Variants in LIPC observed in about 807,000 individuals in gnomAD.
LIPC encodes the protein hepatic triacylglycerol lipase.
A neutral mutation model predicts 50.7 loss-of-function variants in LIPC; 44 were observed. The observed-to-expected ratio is 0.87, with a 90% CI of 0.68 to 1.11. The LOEUF (loss-of-function observed/expected upper bound fraction) is 1.11. Ranked by LOEUF, LIPC falls within the 50% of genes most tolerant of loss-of-function variation. The pLI is 0.00. For missense variants in LIPC, 697 were observed against 648.2 expected, an observed-to-expected ratio of 1.08 and a Z score of -0.82; for synonymous variants, 271 against 256.4, an observed-to-expected ratio of 1.06 and a Z score of -0.54.
intron 1 of LIPC, among the ~76,000 whole-genome samples, chr15:58,534,206 A>G (rs1893045098): frequency 6.6e-6 from 1 of 152,206 alleles, no homozygotes; most frequent in Non-Finnish European, 1.5e-5. Context: ...CCCAAAGAGT[A>G]CCCAGGCAAA....
intron 1 of LIPC, among the ~76,000 whole-genome samples, chr15:58,453,998 A>C (rs1295817059): frequency 6.6e-6 from 1 of 152,186 alleles, no homozygotes; most frequent in Non-Finnish European, 1.5e-5. Context: ...ACATTATCTC[A>C]GTTGACCCCA....
chr15:58,528,033 G>A (rs929543249), intron 1 of LIPC, among the ~76,000 whole-genome samples: 10 of 151,964 alleles, frequency 6.6e-5, no homozygotes, highest in African/African-American at 1.7e-4. Flanking sequence ...CCAGCTACTC[G>A]GGAGGCCGAG....
chr15:58,499,982 C>T (rs1230134321), intron 1 of LIPC, among the ~76,000 whole-genome samples: 1 of 152,046 alleles, frequency 6.6e-6, no homozygotes, highest in Non-Finnish European at 1.5e-5. Context: ...TACAAGAGAT[C>T]CAGAACTTGT....
At chr15:58,435,514 C>G (rs1417006061) in intron 1 of LIPC, 1 of 147,418 alleles carries the variant, frequency 6.8e-6, no homozygotes, top group Admixed American at 6.8e-5. Flanking sequence ...GGCCATGGGA[C>G]TGGGTGGAGG....
At position 58,555,670 on chromosome 15, in the gene LIPC, A is replaced by C. The variant is rs116529755; in HGVS notation, c.1052-5194A>C. The stretch of plus-strand genomic sequence containing the variant: ...CTGGCCTGGATCAGCTGAAGAAAGC[A>C]AGTGGGACTCCTTACAACAGGGTGG... On this transcript the variant is annotated intron_variant, in intron 6 of 8. Transcript: ENST00000299022. 5.3e-3 allele frequency among the ~76,000 whole-genome samples: 800 copies of C among 152,332 alleles called. 8 individuals carry two copies. Among genetic ancestry groups the C allele is most frequent in the African/African-American group, 0.019 (775 of 41,572 alleles).
At chr15:58,440,103 A>G (rs1893452677) in intron 1 of LIPC, among the ~76,000 whole-genome samples, 2 of 152,234 alleles carry the variant, frequency 1.3e-5, no homozygotes, top group Non-Finnish European at 2.9e-5. Flanking sequence ...GTGAAAATGT[A>G]TTTGTCCAAA....
intron 8 of LIPC, chr15:58,565,516 G>A: frequency 7.4e-7 from 1 of 1,353,474 alleles, no homozygotes; most frequent in African/African-American, 1.5e-5. Flanking sequence ...CCATGGCATT[G>A]GTCTCACGTG....
At position 58,542,400 on chromosome 15, in the gene LIPC, G is replaced by C. The variant is rs532324326; in HGVS notation, c.457-134G>C. On this transcript the variant is annotated intron_variant, in intron 3 of 8. Coordinates refer to ENST00000299022, the MANE Select transcript of LIPC (RefSeq NM_000236.3). Reference sequence around the variant, plus strand: ...TCAGCCAGTTGAGAGATTAGTTTCAGTTTGGAGTGTGAATAAGGCACCTCA... The same window carrying C: ...TCAGCCAGTTGAGAGATTAGTTTCACTTTGGAGTGTGAATAAGGCACCTCA... The C allele has an allele frequency of 2.2e-4, 165 of 751,356 alleles. No homozygotes were observed. The African/African-American group carries it at 2.6e-3, about 12-fold the overall frequency. 46.5% of individuals were successfully genotyped at this position (751,356 alleles called of 1,614,324 possible).
intron 1 of LIPC, among the ~76,000 whole-genome samples, chr15:58,517,409 C>A (rs1286422740): frequency 3.3e-5 from 5 of 152,244 alleles, no homozygotes; most frequent in South Asian, 2.1e-4. Flanking sequence ...GGGCGACAGC[C>A]CTAAGTCTCT....
chr15:58,481,961 C>T (rs1891204079), intron 1 of LIPC, among the ~76,000 whole-genome samples: 1 of 152,202 alleles, frequency 6.6e-6, no homozygotes, highest in Non-Finnish European at 1.5e-5. Flanking sequence ...ATCCTGTCTC[C>T]AGAACAATAG....
intron 1 of LIPC, among the ~76,000 whole-genome samples, chr15:58,504,283 G>T (rs932025061): frequency 1.3e-5 from 2 of 152,204 alleles, no homozygotes; most frequent in African/African-American, 4.8e-5. Context: ...ACAGGCTGTT[G>T]TCAGGCAGCC....
rs6077 is a variant in LIPC at position 58,563,751 on chromosome 15, C to T, written c.1388+28C>T. 7,836 of 1,582,194 alleles carry T rather than the reference C, an allele frequency of 5.0e-3. 23 individuals carry two copies. The highest frequency in any genetic ancestry group is 6.0e-3 in the Non-Finnish European group (6,983 of 1,155,556). On this transcript the variant is annotated intron_variant, in intron 8 of 8. Transcript: ENST00000299022. ...GACTGCTGATTCAATCTCCTATTAA[C>T]GTCCATTAAGCACCCACTTGTGCCA...
In LIPC at chr15:58,496,694, C is replaced by CA. The variant is rs1211630452; in HGVS notation, c.89-41638dup. Reference sequence around the variant, plus strand: ...CGTTAGCACAATTTAGACGAATACTCACAAAATTAAGCAGAGAACCCAAGC... The same window carrying CA: ...CGTTAGCACAATTTAGACGAATACTCAACAAAATTAAGCAGAGAACCCAAGC... On this transcript the variant is annotated intron_variant, in intron 1 of 8. Transcript: ENST00000299022. Among the ~76,000 whole-genome samples, 13 of 147,288 alleles carry CA rather than the reference C, an allele frequency of 8.8e-5. No individual in the cohort carries two copies. The East Asian group carries it at 2.6e-3, about 30-fold the overall frequency.
At chr15:58,432,625 C>T (rs895393346) in intron 1 of LIPC, among the ~76,000 whole-genome samples, 10 of 152,134 alleles carry the variant, frequency 6.6e-5, no homozygotes, top group Non-Finnish European at 1.5e-4. Context: ...TGTTTTGCTG[C>T]CAAAATTTTA....
chr15:58,438,566 AGT>A (rs1893391798), intron 1 of LIPC, among the ~76,000 whole-genome samples: 2 of 152,194 alleles, frequency 1.3e-5, no homozygotes, highest in South Asian at 2.1e-4. Flanking sequence ...GGCCGAGCCT[AGT>A]CTGTCCAGCA....
At chr15:58,519,806 T>G (rs1370220402) in intron 1 of LIPC, among the ~76,000 whole-genome samples, 1 of 152,210 alleles carries the variant, frequency 6.6e-6, no homozygotes, top group Non-Finnish European at 1.5e-5. Flanking sequence ...TTCTTTACAT[T>G]TTAAGGTGGA....
intron 1 of LIPC, among the ~76,000 whole-genome samples, chr15:58,504,847 C>G (rs1471330578): frequency 1.3e-5 from 2 of 152,160 alleles, no homozygotes; most frequent in Non-Finnish European, 2.9e-5. Context: ...TATCCTATCT[C>G]GAGGAGAGCT....
rs569027815 is a variant in LIPC, at chr15:58,452,782, C to T, written c.88+20662C>T. Among the ~76,000 whole-genome samples, 309 of 152,310 alleles carry T rather than the reference C, an allele frequency of 2.0e-3. 4 individuals are homozygous for T. Among genetic ancestry groups the T allele is most frequent in the Non-Finnish European group, 9.6e-4 (65 of 68,026 alleles). ...GCCTGGTCCTGGGATTGCTGCCCCT[C>T]ATTTTTCAGAGCCCAACCCCCATGG... On this transcript the variant is annotated intron_variant, in intron 1 of 8. Transcript: ENST00000299022.
chr15:58,568,619 C>A, intron 8 of LIPC, 97 bp from the exon 9 acceptor site: 3 of 757,032 alleles, frequency 4.0e-6, no homozygotes, highest in Non-Finnish European at 7.0e-6. Context: ...ACATCACATG[C>A]CTTACACAAA....
Sources: allele counts gnomAD v4.1 joint callset (sites outside exome capture counted in the v4.1 genomes callset), GRCh38; gene constraint gnomAD v4.1.1; transcripts MANE v1.5; gene names NCBI Gene and HGNC (gene_info 2026-07-23, HGNC 2026-07-21).